NTM: variants seen among roughly 807,000 people sequenced by gnomAD.
NTM encodes neurotrimin, also known as IgLON family member 2.
Under a neutral mutation model 42.1 loss-of-function variants are expected in NTM, and 13 were observed. That is an observed-to-expected ratio of 0.31 (90% CI 0.20 to 0.49). The LOEUF is 0.49. Ranked by LOEUF, NTM falls within the 20% of genes least tolerant of loss-of-function variation. NTM has a pLI of 0.99. For missense variants in NTM, 373 were observed against 452.8 expected (o/e 0.82, Z 1.60); for synonymous variants, 187 against 179.2 (o/e 1.04, Z -0.35).
chr11:132,078,123 T>C (rs2058595612), intron 2 of NTM, among the ~76,000 whole-genome samples: 1 of 152,214 alleles, frequency 6.6e-6, no homozygotes, highest in Non-Finnish European at 1.5e-5. Flanking sequence ...TTGAACACCA[T>C]GACACTAAAC....
At position 131,555,670 on chromosome 11, in the gene NTM, T is replaced by C. The variant is rs1461060946; in HGVS notation, c.82+184782T>C. On this transcript the variant is annotated intron_variant, in intron 1 of 8. Transcript: ENST00000683400. ...CAGCTCAGTTATCAGCTTTGATTTT[T>C]AGATGGTGTCTGGGGAGAAGAACAT... Among the ~76,000 whole-genome samples the C allele has an allele frequency of 4.6e-5, 7 of 152,204 alleles. 1 individual carries two copies. The highest frequency in any genetic ancestry group is 7.3e-5 in the Non-Finnish European group (5 of 68,038).
At chr11:132,182,074 C>T (rs2077669768) in intron 3 of NTM, among the ~76,000 whole-genome samples, 1 of 151,562 alleles carries the variant, frequency 6.6e-6, no homozygotes, top group Non-Finnish European at 1.5e-5. Flanking sequence ...ATGAGGAAAC[C>T]TTATCTTCAA....
chr11:131,847,466 C>T (rs1459857170), intron 1 of NTM, among the ~76,000 whole-genome samples: 1 of 152,060 alleles, frequency 6.6e-6, no homozygotes, highest in East Asian at 1.9e-4. Context: ...AGGATAGGTC[C>T]TGCTTTCGGG....
intron 3 of NTM, among the ~76,000 whole-genome samples, chr11:132,172,707 A>G (rs1202124725): frequency 6.6e-6 from 1 of 152,244 alleles, no homozygotes; most frequent in Non-Finnish European, 1.5e-5. Context: ...AGGAATATTG[A>G]AAATGGGTGT....
chr11:131,651,162 C>A (rs80070315), intron 1 of NTM, among the ~76,000 whole-genome samples: 1,944 of 152,238 alleles, frequency 0.013, 54 homozygotes, highest in African/African-American at 0.045. Context: ...AAATTAAGCT[C>A]CTCAAATATG....
chr11:131,466,373 C>T (rs5022721), intron 1 of NTM, among the ~76,000 whole-genome samples: 4,964 of 152,198 alleles, frequency 0.033, 249 homozygotes, highest in African/African-American at 0.11. Context: ...ACAACAGGTG[C>T]TATTATTATC....
intron 2 of NTM, among the ~76,000 whole-genome samples, chr11:131,955,472 G>A (rs2061458638): frequency 6.6e-6 from 1 of 152,130 alleles, no homozygotes; most frequent in South Asian, 2.1e-4. Flanking sequence ...CTTCAAGTGT[G>A]TTTTTAAAAG....
intron 1 of NTM, among the ~76,000 whole-genome samples, chr11:131,827,692 C>T (rs1459478594): frequency 1.3e-5 from 2 of 152,092 alleles, no homozygotes; most frequent in Non-Finnish European, 2.9e-5. Context: ...AGAGAGAAAA[C>T]AAAAGTCTAT....
At chr11:131,462,202 G>C (rs1951444733) in intron 1 of NTM, among the ~76,000 whole-genome samples, 1 of 152,226 alleles carries the variant, frequency 6.6e-6, no homozygotes, top group Non-Finnish European at 1.5e-5. Context: ...TTCTGGAAAA[G>C]GCAAAACTAT....
intron 2 of NTM, among the ~76,000 whole-genome samples, chr11:132,039,817 G>A (rs1047853115): frequency 2.0e-5 from 3 of 146,390 alleles, no homozygotes; most frequent in Admixed American, 6.9e-5. Flanking sequence ...CTCTCTCTGC[G>A]GCGCAGTTTC....
At chr11:131,951,933 T>C (rs1397309761) in intron 2 of NTM, among the ~76,000 whole-genome samples, 2 of 152,128 alleles carry the variant, frequency 1.3e-5, no homozygotes, top group Admixed American at 6.5e-5. Context: ...TCTGCTTTGA[T>C]TGGTCAAAGC....
chr11:131,664,474 A>G (rs1198890943), intron 1 of NTM, among the ~76,000 whole-genome samples: 3 of 152,154 alleles, frequency 2.0e-5, no homozygotes, highest in Non-Finnish European at 4.4e-5. Context: ...CTTCCTTTCA[A>G]TACCAAGCCT....
intron 1 of NTM, among the ~76,000 whole-genome samples, chr11:131,759,516 C>CT (rs903759140): frequency 2.6e-5 from 4 of 151,908 alleles, no homozygotes; most frequent in African/African-American, 4.8e-5. Context: ...TCTCTTCCTC[C>CT]TTTTTTTTCA....
In NTM at chr11:131,620,096, C is replaced by G. The variant is rs181889982; in HGVS notation, c.82+249208C>G. On this transcript the variant is annotated intron_variant, in intron 1 of 8. Coordinates refer to ENST00000683400, the MANE Select transcript of NTM (RefSeq NM_001352005.2). ...GGGATTATAGGCATGAGCCACTGCA[C>G]TTGGCACCACTGAACATCTCATATA... Among the ~76,000 whole-genome samples the G allele has an allele frequency of 3.2e-4, 49 of 152,312 alleles. 2 individuals carry two copies. In the South Asian group the frequency reaches 6.2e-3, roughly 19 times the overall value.
At chr11:131,556,395 C>T (rs1337965027) in intron 1 of NTM, among the ~76,000 whole-genome samples, 2 of 152,126 alleles carry the variant, frequency 1.3e-5, no homozygotes, top group East Asian at 1.9e-4. Flanking sequence ...CTTCAGGTTA[C>T]ACTTTTACTG....
chr11:131,637,040 GT>G (rs1417718909), intron 1 of NTM, among the ~76,000 whole-genome samples: 2 of 152,126 alleles, frequency 1.3e-5, no homozygotes, highest in African/African-American at 4.8e-5. Flanking sequence ...GAAGTCCCCT[GT>G]TTCCCTCTTG....
At chr11:131,834,510 A>G (rs775466124) in intron 1 of NTM, among the ~76,000 whole-genome samples, 2 of 151,568 alleles carry the variant, frequency 1.3e-5, no homozygotes, top group East Asian at 1.9e-4. Flanking sequence ...TCTGGTCCCT[A>G]TCATCCTAAT....
At chr11:131,983,441 T>A (rs1316844639) in intron 2 of NTM, among the ~76,000 whole-genome samples, 1 of 148,738 alleles carries the variant, frequency 6.7e-6, no homozygotes, top group African/African-American at 2.5e-5. Context: ...AGTGGTGTGA[T>A]CTTGGCTCAC....
At position 132,250,950 on chromosome 11, in the gene NTM, A is replaced by AT. The variant is rs148388113; in HGVS notation, c.526+38810dup. ...CTTTTGGCTCTGTGAGGCTCATTGT[A>AT]TTTTTTTACAAAAAGCTGAAAAATT... On this transcript the variant is annotated intron_variant, in intron 4 of 8. Coordinates refer to ENST00000683400, the MANE Select transcript of NTM (RefSeq NM_001352005.2). 8.6e-3 allele frequency among the ~76,000 whole-genome samples: 1,307 copies of AT among 152,104 alleles called. 22 individuals carry two copies. The highest frequency in any genetic ancestry group is 0.029 in the African/African-American group (1,210 of 41,482).
Sources: allele counts gnomAD v4.1 joint callset (sites outside exome capture counted in the v4.1 genomes callset), GRCh38; gene constraint gnomAD v4.1.1; transcripts MANE v1.5; gene names NCBI Gene and HGNC (gene_info 2026-07-23, HGNC 2026-07-21).